The following PCNX1 variants were observed in gnomAD, a reference collection of about 807,000 sequenced individuals.
PCNX1 encodes pecanex-like protein 1.
PCNX1 carries 78 observed loss-of-function variants against 242.2 expected under a neutral mutation model. The observed-to-expected ratio is 0.32, with a 90% confidence interval of 0.27 to 0.39. The LOEUF (loss-of-function observed/expected upper bound fraction) is 0.39, where lower values mean the gene tolerates loss of function less well. Among genes scored for constraint, PCNX1 ranks in the 10% least tolerant of loss-of-function variants. The pLI is 1.00. For missense variants in PCNX1, 2,581 were observed against 2,856.5 expected (o/e 0.90, Z 2.20); for synonymous variants, 1,024 against 1,032.9 (o/e 0.99, Z 0.17).
At chr14:71,047,760 C>G in intron 21 of PCNX1, 47 bp from the exon 22 acceptor site, 1 of 1,466,250 alleles carries the variant, frequency 6.8e-7, no homozygotes, top group Non-Finnish European at 9.4e-7. Flanking sequence ...ACTGTCTCTT[C>G]TAATGTTTTC....
At chr14:71,027,026 G>T in intron 15 of PCNX1, 144 bp downstream of exon 15, 1 of 473,066 alleles carries the variant, frequency 2.1e-6, no homozygotes, top group Non-Finnish European at 3.7e-6. Flanking sequence ...ATTGAAGACT[G>T]AGAAGCAATT....
chr14:71,075,474 C>T (rs183241668), intron 27 of PCNX1, among the ~76,000 whole-genome samples: 5 of 152,104 alleles, frequency 3.3e-5, no homozygotes, highest in Non-Finnish European at 7.3e-5. Context: ...AAATATATAT[C>T]TCTATAACTT....
At chr14:70,972,771 A>C (rs1296832102) in intron 5 of PCNX1, among the ~76,000 whole-genome samples, 1 of 152,172 alleles carries the variant, frequency 6.6e-6, no homozygotes, top group Non-Finnish European at 1.5e-5. Context: ...CTTCTAAGAT[A>C]ATCTACAGTT....
chr14:70,967,975 T>C (rs1393612387), intron 3 of PCNX1, among the ~76,000 whole-genome samples: 1 of 152,128 alleles, frequency 6.6e-6, no homozygotes, highest in African/African-American at 2.4e-5. Flanking sequence ...GCAGAGGGAT[T>C]GGGTAGCTCC....
intron 6 of PCNX1, among the ~76,000 whole-genome samples, chr14:70,984,553 A>G (rs1195283241): frequency 6.6e-6 from 1 of 150,878 alleles, no homozygotes; most frequent in African/African-American, 2.4e-5. Flanking sequence ...CGCCCGGCTA[A>G]TTTTTTGTAT....
At chr14:71,079,282 T>C (rs529769852) in intron 28 of PCNX1, among the ~76,000 whole-genome samples, 27 of 152,342 alleles carry the variant, frequency 1.8e-4, no homozygotes, top group Non-Finnish European at 2.8e-4. Flanking sequence ...TCTTTGCTAT[T>C]GTGAACAGTG....
intron 35 of PCNX1, 50 bp from the exon 36 acceptor site, chr14:71,109,745 T>TA (rs2062716970): frequency 1.3e-6 from 2 of 1,599,880 alleles, no homozygotes; most frequent in African/African-American, 2.7e-5. Context: ...AGTTTGTGAG[T>TA]ATATTCCAGG....
intron 1 of PCNX1, among the ~76,000 whole-genome samples, chr14:70,930,113 T>TTG (rs1196332285): frequency 9.2e-5 from 14 of 151,928 alleles, no homozygotes; most frequent in Admixed American, 6.6e-4. Flanking sequence ...TGTGCATATG[T>TTG]TGTGTGTGTG....
chr14:71,104,332 T>C (rs148701249), intron 32 of PCNX1, among the ~76,000 whole-genome samples: 8 of 152,252 alleles, frequency 5.3e-5, no homozygotes, highest in African/African-American at 1.9e-4. Context: ...CAGCAAACTC[T>C]CAAATGTTCA....
intron 26 of PCNX1, among the ~76,000 whole-genome samples, chr14:71,067,237 A>G (rs2061470353): frequency 6.6e-6 from 1 of 152,036 alleles, no homozygotes; most frequent in Non-Finnish European, 1.5e-5. Flanking sequence ...GAATCTGTCC[A>G]GTCCTGGACT....
At chr14:70,983,716 A>G (rs575035068) in intron 6 of PCNX1, among the ~76,000 whole-genome samples, 1 of 151,740 alleles carries the variant, frequency 6.6e-6, no homozygotes, top group East Asian at 1.9e-4. Context: ...ATTGATGCTT[A>G]GAAATTGGGC....
chr14:71,011,341 T>TCTATGTG (rs1208032778), intron 9 of PCNX1, 151 bp from the exon 10 acceptor site: 1 of 638,180 alleles, frequency 1.6e-6, no homozygotes, highest in Non-Finnish European at 2.8e-6. Context: ...TGACCCAGAG[T>TCTATGTG]CTATGTGCTT....
intron 28 of PCNX1, among the ~76,000 whole-genome samples, chr14:71,078,273 T>A (rs112161620): frequency 2.0e-5 from 3 of 152,244 alleles, no homozygotes; most frequent in Non-Finnish European, 4.4e-5. Context: ...TGCTATTCCC[T>A]GAATCAACAT....
intron 1 of PCNX1, among the ~76,000 whole-genome samples, chr14:70,911,482 T>C (rs2140008126): frequency 6.6e-6 from 1 of 152,380 alleles, no homozygotes; most frequent in South Asian, 2.1e-4. Flanking sequence ...TTCTTAATTC[T>C]GATTGTCCTG....
rs201994475 is a variant in PCNX1 at position 71,109,966 on chromosome 14, T to C, written c.*31T>C. ...TGTTTATTATAAAGACATTTCTTTT[T>C]CCCTCTCAATTCCAAGGCATTGGAA... On this transcript the variant is annotated 3_prime_UTR_variant, in exon 36 of 36. Coordinates refer to ENST00000304743, the MANE Select transcript of PCNX1 (RefSeq NM_014982.3). 2.5e-6 allele frequency: 4 copies of C among 1,602,922 alleles called. No individual in the cohort carries two copies. In the East Asian group the frequency reaches 8.9e-5, roughly 36 times the overall value.
intron 26 of PCNX1, among the ~76,000 whole-genome samples, chr14:71,064,950 T>C (rs2061412551): frequency 6.6e-6 from 1 of 152,226 alleles, no homozygotes; most frequent in African/African-American, 2.4e-5. Context: ...CATGAACTCA[T>C]CCTTTTTTAT....
intron 1 of PCNX1, among the ~76,000 whole-genome samples, chr14:70,918,505 A>T (rs1445830620): frequency 6.6e-6 from 1 of 152,250 alleles, no homozygotes; most frequent in African/African-American, 2.4e-5. Context: ...ACTGTAACAG[A>T]TATAGTAAAG....
Position 71,047,798 on chromosome 14 carries a change from G to A in PCNX1, c.4161-9G>A. The A allele has an allele frequency of 6.3e-7, 1 of 1,587,666 alleles. No homozygotes were observed. The stretch of plus-strand genomic sequence containing the variant: ...TCATGAGTTGATTTGTGTTTTCTTT[G>A]TGCCACAGATTAGGTGCTTTAATGA... On this transcript the variant is annotated splice_polypyrimidine_tract_variant and intron_variant, in intron 21 of 35. Transcript: ENST00000304743.
Position 70,962,280 on chromosome 14 carries a change from A to G in PCNX1, c.417A>G (p.Pro139=), listed in dbSNP as rs773892794. ...AGTTCATCCGAGAGGCCACACCCCC[A>G]GTTGGTTGCAGTTCCAGAAATTCTT... is the stretch of plus-strand genomic sequence containing the variant. The part of the protein sequence containing the change: ...MSEFIREATP[P]VGCSSRNSYA... Residue 139 remains proline (P), a synonymous_variant, in exon 3 of 36, where the codon CCA becomes CCG. Transcript: ENST00000304743. The G allele has an allele frequency of 2.9e-5, 46 of 1,613,496 alleles. No individual in the cohort carries two copies. Among genetic ancestry groups the G allele is most frequent in the Non-Finnish European group, 3.7e-5 (44 of 1,179,608 alleles).
Sources: allele counts gnomAD v4.1 joint callset (sites outside exome capture counted in the v4.1 genomes callset), GRCh38; gene constraint gnomAD v4.1.1; transcripts MANE v1.5; gene names NCBI Gene and HGNC (gene_info 2026-07-23, HGNC 2026-07-21).